CEP112: variants seen among roughly 807,000 people sequenced by gnomAD.
CEP112 encodes the protein centrosomal protein 112.
In CEP112, 127 loss-of-function variants were observed where a neutral mutation model predicts 153.0. That is an observed-to-expected ratio of 0.83 (90% CI 0.72 to 0.96). The LOEUF (loss-of-function observed/expected upper bound fraction) is 0.96. Ranked by LOEUF, CEP112 falls within the 40% of genes least tolerant of loss-of-function variation. CEP112 has a pLI of 0.00. For synonymous variants in CEP112, 358 were observed against 374.4 expected, an observed-to-expected ratio of 0.96 and a Z score of 0.51; for missense variants, 1,089 against 1,101.2, an observed-to-expected ratio of 0.99 and a Z score of 0.16.
intron 16 of CEP112, among the ~76,000 whole-genome samples, chr17:66,016,677 G>A (rs1410735116): frequency 6.6e-6 from 1 of 152,164 alleles, no homozygotes; most frequent in Non-Finnish European, 1.5e-5. Context: ...AAGTCAATAA[G>A]TATTTTGCAA....
At chr17:66,149,884 G>GGT (rs2071105490) in intron 4 of CEP112, among the ~76,000 whole-genome samples, 1 of 46,840 alleles carries the variant, frequency 2.1e-5, no homozygotes, top group African/African-American at 8.3e-5. Context: ...TTTTTTGTTT[G>GGT]TTTGTTTTTT....
chr17:65,690,722 C>T lies in CEP112; in HGVS notation c.2608-1504G>A, dbSNP rs191704844. Among the ~76,000 whole-genome samples, 72 of 152,172 alleles carry T rather than the reference C, an allele frequency of 4.7e-4. 1 individual carries two copies. In the East Asian group the frequency reaches 6.6e-3, roughly 14 times the overall value. On this transcript the variant is annotated intron_variant, in intron 23 of 26. Transcript: ENST00000535342. ...ATAGCCACTGCATGTGGAATGACTCCGAGATGGTATGTTTGTGGAAGCCAT... is the reference window on the plus strand; with the variant it reads ...ATAGCCACTGCATGTGGAATGACTCTGAGATGGTATGTTTGTGGAAGCCAT...
intron 17 of CEP112, among the ~76,000 whole-genome samples, chr17:65,976,541 A>T (rs1279448912): frequency 6.6e-6 from 1 of 152,032 alleles, no homozygotes; most frequent in Non-Finnish European, 1.5e-5. Flanking sequence ...ATTTCTAAGG[A>T]CCCTATAGAA....
chr17:65,864,137 CA>C (rs71160507), intron 20 of CEP112, among the ~76,000 whole-genome samples: 46,913 of 137,032 alleles, frequency 0.34, 7,943 homozygotes, highest in South Asian at 0.51. Flanking sequence ...TGAGACTCCT[CA>C]AAAAAAAAAA....
At position 66,175,029 on chromosome 17, in the gene CEP112, A is replaced by G. The variant is rs753995659; in HGVS notation, c.470+15T>C. ...AATGATGAAACACATTCAAAATCCC[A>G]TTCTCTTTACATACCTGTAGACATC... is the stretch of plus-strand genomic sequence containing the variant. On this transcript the variant is annotated intron_variant, in intron 4 of 26. Coordinates refer to ENST00000535342, the MANE Select transcript of CEP112 (RefSeq NM_001199165.4). 2.0e-6 allele frequency: 3 copies of G among 1,506,894 alleles called. No individual in the cohort carries two copies. The highest frequency in any genetic ancestry group is 4.8e-5 in the East Asian group (2 of 41,276). The allele number at this position is 1,506,894 out of a possible 1,614,324, so 93.3% of individuals were successfully genotyped here.
At chr17:65,707,172 A>G (rs546220861) in intron 23 of CEP112, among the ~76,000 whole-genome samples, 15 of 152,280 alleles carry the variant, frequency 9.9e-5, no homozygotes, top group Non-Finnish European at 1.8e-4. Context: ...TTACTTTGGA[A>G]GTCATTATGT....
chr17:65,777,809 A>T (rs1476537188), intron 21 of CEP112, among the ~76,000 whole-genome samples: 1 of 152,138 alleles, frequency 6.6e-6, no homozygotes, highest in African/African-American at 2.4e-5. Context: ...ATATTTCAGC[A>T]TATATTTTCA....
intron 24 of CEP112, among the ~76,000 whole-genome samples, chr17:65,669,665 G>A (rs927416925): frequency 2.8e-4 from 42 of 152,162 alleles, no homozygotes; most frequent in Admixed American, 1.9e-3. Context: ...GCACTTTGGG[G>A]GGCCAAGGCG....
intron 16 of CEP112, among the ~76,000 whole-genome samples, chr17:66,010,862 G>A (rs558688056): frequency 6.6e-6 from 1 of 152,076 alleles, no homozygotes; most frequent in Non-Finnish European, 1.5e-5. Context: ...TGGTTTCCTA[G>A]TATTTTGTTG....
rs143667592 is a variant in CEP112, at chr17:66,065,289, T to A, written c.955+1489A>T. On this transcript the variant is annotated intron_variant, in intron 10 of 26. Coordinates refer to ENST00000535342, the MANE Select transcript of CEP112 (RefSeq NM_001199165.4). ...ATTATTTATTCTGATCTCACCATTT[T>A]ATAATGAGTAAACCAAGACCCAGAG... Among the ~76,000 whole-genome samples the A allele has an allele frequency of 2.0e-4, 30 of 152,312 alleles. No homozygotes were observed. The East Asian group carries it at 5.6e-3, about 28-fold the overall frequency.
chr17:66,017,999 C>CAA (rs57700701), intron 16 of CEP112, among the ~76,000 whole-genome samples: 25 of 135,500 alleles, frequency 1.8e-4, no homozygotes, highest in African/African-American at 5.6e-4. Flanking sequence ...GACTCTGTCT[C>CAA]AAAAAAAAAA....
intron 16 of CEP112, among the ~76,000 whole-genome samples, chr17:66,018,266 A>C (rs1157590710): frequency 1.3e-5 from 2 of 152,208 alleles, no homozygotes; most frequent in Non-Finnish European, 2.9e-5. Flanking sequence ...TAATTGATTT[A>C]AGTAGCCATA....
At position 66,022,059 on chromosome 17, in the gene CEP112, C is replaced by T. The variant is rs557243275; in HGVS notation, c.1656+5442G>A. Among the ~76,000 whole-genome samples the T allele has an allele frequency of 4.6e-5, 7 of 152,240 alleles. No homozygotes were observed. The South Asian group carries it at 1.5e-3, about 32-fold the overall frequency. ...CCCTTGCTACCACAATCATCAATGC[C>T]ACTGTGGCTTCTCAGGAGGCTGTGA... On this transcript the variant is annotated intron_variant, in intron 16 of 26. Transcript: ENST00000535342.
At chr17:65,696,358 C>G (rs1362025179) in intron 23 of CEP112, among the ~76,000 whole-genome samples, 2 of 152,204 alleles carry the variant, frequency 1.3e-5, no homozygotes, top group Non-Finnish European at 2.9e-5. Flanking sequence ...GTCCTTGGTT[C>G]TGTCCGTAGG....
intron 6 of CEP112, among the ~76,000 whole-genome samples, chr17:66,105,099 T>C (rs9892496): frequency 0.048 from 7,353 of 152,212 alleles, 235 homozygotes; most frequent in African/African-American, 0.07. Flanking sequence ...TTTCAAGACA[T>C]AGTGTAATAA....
chr17:65,661,698 T>C (rs1364078109), intron 24 of CEP112: 1 of 152,174 alleles, frequency 6.6e-6, no homozygotes, highest in Non-Finnish European at 1.5e-5. Flanking sequence ...GACCATTACA[T>C]GGACTGTTTT....
intron 6 of CEP112, among the ~76,000 whole-genome samples, chr17:66,125,059 A>C (rs1455948220): frequency 6.6e-6 from 1 of 152,218 alleles, no homozygotes; most frequent in Non-Finnish European, 1.5e-5. Flanking sequence ...TACTATTTAA[A>C]AAAACACTTA....
chr17:65,990,966 C>T (rs1439036312), intron 17 of CEP112, among the ~76,000 whole-genome samples: 1 of 152,138 alleles, frequency 6.6e-6, no homozygotes, highest in Non-Finnish European at 1.5e-5. Context: ...GGATTCATCA[C>T]CTGCTAACTA....
chr17:65,883,386 A>G (rs924090071), intron 20 of CEP112, among the ~76,000 whole-genome samples: 1 of 151,868 alleles, frequency 6.6e-6, no homozygotes, highest in Non-Finnish European at 1.5e-5. Context: ...CCCAAGACAG[A>G]GTCTTGCTCT....
Sources: gnomAD v4.1 joint callset for allele counts (sites outside exome capture counted in the v4.1 genomes callset) on GRCh38, gnomAD v4.1.1 for gene constraint, MANE v1.5 for transcripts, NCBI Gene and HGNC (gene_info 2026-07-23, HGNC 2026-07-21) for gene names.